Variants in GOLGA8J observed in about 807,000 individuals in gnomAD.
The protein encoded by GOLGA8J is golgin subfamily A member 8J.
In GOLGA8J, 19 loss-of-function variants were observed where a neutral mutation model predicts 67.7. The observed-to-expected ratio is 0.28, with a 90% CI of 0.20 to 0.41. The LOEUF (loss-of-function observed/expected upper bound fraction) is 0.41, where lower values mean the gene tolerates loss of function less well. Among genes scored for constraint, GOLGA8J ranks in the 10% least tolerant of loss-of-function variants. GOLGA8J has a pLI of 1.00. For missense variants in GOLGA8J, 205 were observed against 584.3 expected (o/e 0.35, Z 6.69); for synonymous variants, 69 against 215.9 (o/e 0.32, Z 5.97).
At chr15:30,086,135 C>T (rs1468769597) in intron 4 of GOLGA8J, 31 bp downstream of exon 4, 4 of 56 alleles carry the variant, frequency 0.071, no homozygotes, top group Non-Finnish European at 0.1. Context: ...CCTGATTCCA[C>T]GCTGCCAATC....
chr15:30,090,424 G>C lies in GOLGA8J; in HGVS notation c.1200+144G>C, dbSNP rs914810974. 4.0e-6 allele frequency: 6 copies of C among 1,516,404 alleles called. 1 individual carries two copies. The highest frequency in any genetic ancestry group is 1.2e-5 in the South Asian group (1 of 84,260). The allele number at this position is 1,516,404 out of a possible 1,614,324, so 93.9% of individuals were successfully genotyped here. On this transcript the variant is annotated intron_variant, in intron 13 of 18. Coordinates refer to ENST00000567927, the MANE Select transcript of GOLGA8J (RefSeq NM_001282472.2). ...CACCCCCCAGGGCAGTCCTGTGACTGTTTCTTGCTTCCTGCCTCTGACTTT... is the reference window on the plus strand; with the variant it reads ...CACCCCCCAGGGCAGTCCTGTGACTCTTTCTTGCTTCCTGCCTCTGACTTT...
chr15:30,093,952 C>G lies in GOLGA8J; in HGVS notation c.*453C>G, dbSNP rs1346677248. On this transcript the variant is annotated 3_prime_UTR_variant, in exon 19 of 19. Coordinates refer to ENST00000567927, the MANE Select transcript of GOLGA8J (RefSeq NM_001282472.2). Reference sequence around the variant, plus strand: ...GATCTAATCTTAATCACAGTGAGCTCTTCATTAGCTCAATATGTAGTTTGC... The same window carrying G: ...GATCTAATCTTAATCACAGTGAGCTGTTCATTAGCTCAATATGTAGTTTGC... Among the ~76,000 whole-genome samples the G allele has an allele frequency of 3.5e-5, 5 of 144,768 alleles. 1 individual carries two copies. Among genetic ancestry groups the G allele is most frequent in the Non-Finnish European group, 3.0e-5 (2 of 67,238 alleles). The allele number at this position is 144,768 out of a possible 152,430, so 95.0% of individuals were successfully genotyped here.
Position 30,095,026 on chromosome 15 carries a change from T to G in GOLGA8J, c.*1527T>G, listed in dbSNP as rs963099312. Among the ~76,000 whole-genome samples the G allele has an allele frequency of 6.8e-6, 1 of 146,510 alleles. No individual in the cohort carries two copies. The highest frequency in any genetic ancestry group is 2.7e-5 in the African/African-American group (1 of 37,538). On this transcript the variant is annotated 3_prime_UTR_variant, in exon 19 of 19. Transcript: ENST00000567927. ...CCTCTGGGTTTCTGTTCGGGACATA[T>G]TTTGTGCAATATTTATGTGATTGTG...
rs1595384291 is a variant in GOLGA8J at position 30,084,685 on chromosome 15, A to G, written c.49-86A>G. 1.5e-5 allele frequency: 8 copies of G among 535,690 alleles called. No individual in the cohort carries two copies. In the East Asian group the frequency reaches 2.5e-4, roughly 16 times the overall value. 33.2% of individuals were successfully genotyped at this position (535,690 alleles called of 1,614,324 possible). A position where few individuals can be genotyped will look rare whatever the true frequency, so the allele number is the denominator to read the frequency against. On this transcript the variant is annotated intron_variant, in intron 1 of 18. Transcript: ENST00000567927. ...GGTGTCATTAAATCAGATGGTGTGT[A>G]AGTGTATTTTGTAAAAACTGTAAAG...
Position 30,092,081 on chromosome 15 carries a change from C to T in GOLGA8J, c.1316C>T (p.Ala439Val). The T allele has an allele frequency of 1.9e-6, 3 of 1,593,888 alleles. No homozygotes were observed. The highest frequency in any genetic ancestry group is 1.1e-5 in the South Asian group (1 of 89,298). The change falls in exon 15 of 19, where the codon GCA (alanine) becomes GTA (valine). Residue 439 changes from alanine to valine, a missense_variant. Transcript: ENST00000567927. ...GEHLDSEGEEAPRPMPSVPED... is the reference protein window; with the variant it reads ...GEHLDSEGEEVPRPMPSVPED... The stretch of plus-strand genomic sequence containing the variant: ...CATCTGGACAGTGAGGGGGAGGAGG[C>T]ACCTCGGCCCATGCCGAGTGTCCCA...
At chr15:30,088,531 G>A (rs1435231510) in intron 8 of GOLGA8J, among the ~76,000 whole-genome samples, 4 of 147,174 alleles carry the variant, frequency 2.7e-5, no homozygotes, top group Admixed American at 2.7e-4. Context: ...GATCTCTCTG[G>A]GCCTCTGTTA....
In GOLGA8J at chr15:30,096,231, T is replaced by C. The variant is rs922000660; in HGVS notation, c.*2732T>C. ...ATTTAAAGATGGCAATATATAATAA[T>C]CATTTTAAAAGTATTTGATTCAACC... On this transcript the variant is annotated 3_prime_UTR_variant, in exon 19 of 19. Coordinates refer to ENST00000567927, the MANE Select transcript of GOLGA8J (RefSeq NM_001282472.2). Among the ~76,000 whole-genome samples, 3 of 150,014 alleles carry C rather than the reference T, an allele frequency of 2.0e-5. No homozygotes were observed. The highest frequency in any genetic ancestry group is 2.5e-5 in the African/African-American group (1 of 40,318).
chr15:30,089,557 T>G, intron 11 of GOLGA8J, 143 bp from the exon 12 acceptor site: 2 of 969,842 alleles, frequency 2.1e-6, no homozygotes. Context: ...TGAAAGTGCT[T>G]TGGAAGACTG....
In GOLGA8J at chr15:30,094,561, C is replaced by G. The variant is rs2140586646; in HGVS notation, c.*1062C>G. The stretch of plus-strand genomic sequence containing the variant: ...CGTTCCTGGAACAGGCATACAGGCT[C>G]TAGTCAAGAATGAATTAGAGTGAAG... On this transcript the variant is annotated 3_prime_UTR_variant, in exon 19 of 19. Transcript: ENST00000567927. 1.6e-5 allele frequency among the ~76,000 whole-genome samples: 2 copies of G among 126,538 alleles called. No individual in the cohort carries two copies. The highest frequency in any genetic ancestry group is 2.3e-4 in the South Asian group (1 of 4,282). 83.0% of individuals were successfully genotyped at this position (126,538 alleles called of 152,430 possible).
chr15:30,084,942 G>C lies in GOLGA8J; in HGVS notation c.168+52G>C, dbSNP rs1351204536. On this transcript the variant is annotated intron_variant, in intron 2 of 18. Transcript: ENST00000567927. ...GGGACAGGGGGCCCAAGGGGCAGTA[G>C]AGGGTAATTGTTAAGATTGTGGATG... The C allele has an allele frequency of 2.9e-5, 43 of 1,493,960 alleles. 10 individuals are homozygous for C. In the African/African-American group the frequency reaches 3.3e-4, roughly 11 times the overall value. 92.5% of individuals were successfully genotyped at this position (1,493,960 alleles called of 1,614,324 possible).
In GOLGA8J at chr15:30,092,919, G is replaced by C. The variant is rs1235679007; in HGVS notation, c.1498G>C (p.Gly500Arg). 6.0e-6 allele frequency: 9 copies of C among 1,491,618 alleles called. No homozygotes were observed. The highest frequency in any genetic ancestry group is 8.1e-6 in the Non-Finnish European group (9 of 1,108,714). 92.4% of individuals were successfully genotyped at this position (1,491,618 alleles called of 1,614,324 possible). ...AACCCATCACCTTTTATCAGAACCAGGGGGCCGTGCCAAAGATGCGGCACT... is the reference window on the plus strand; with the variant it reads ...AACCCATCACCTTTTATCAGAACCACGGGGCCGTGCCAAAGATGCGGCACT... The part of the protein sequence containing the change: ...QKTHHLLSEP[G>R]GRAKDAALGG... The change falls in exon 17 of 19, where the codon GGG becomes CGG. Residue 500 changes from glycine to arginine, a missense_variant. Gly to Arg is a moderately radical substitution (Grantham distance 125). Coordinates refer to ENST00000567927, the MANE Select transcript of GOLGA8J (RefSeq NM_001282472.2).
chr15:30,084,626 C>G (rs2057330760), intron 1 of GOLGA8J, 145 bp from the exon 2 acceptor site: 9 of 529,320 alleles, frequency 1.7e-5, no homozygotes, highest in Non-Finnish European at 2.9e-6. Flanking sequence ...TTCTCAGTCA[C>G]TAAATGAGTG....
At position 30,084,928 on chromosome 15, in the gene GOLGA8J, C is replaced by G. The variant is rs779150119; in HGVS notation, c.168+38C>G. ...TGACCAGGCTTCTGGGGACAGGGGG[C>G]CCAAGGGGCAGTAGAGGGTAATTGT... On this transcript the variant is annotated intron_variant, in intron 2 of 18. Transcript: ENST00000567927. 115 of 1,493,172 alleles carry G rather than the reference C, an allele frequency of 7.7e-5. 14 individuals are homozygous for G. Among genetic ancestry groups the G allele is most frequent in the Non-Finnish European group, 9.8e-5 (112 of 1,140,824 alleles). The allele number at this position is 1,493,172 out of a possible 1,614,324, so 92.5% of individuals were successfully genotyped here.
chr15:30,084,891 G>C lies in GOLGA8J; in HGVS notation c.168+1G>C. The C allele has an allele frequency of 6.8e-7, 1 of 1,480,394 alleles. No homozygotes were observed. The highest frequency in any genetic ancestry group is 8.8e-7 in the Non-Finnish European group (1 of 1,135,492). The allele number at this position is 1,480,394 out of a possible 1,614,324, so 91.7% of individuals were successfully genotyped here. On this transcript the variant is annotated splice_donor_variant, in intron 2 of 18. Transcript: ENST00000567927. LOFTEE classifies it high-confidence loss of function. ...TGGTGGTTGCCAGCCACCTAGGGAT[G>C]TGAGTCTTGGCTGACCAGGCTTCTG...
At chr15:30,088,642 C>G in intron 8 of GOLGA8J, 98 bp from the exon 9 acceptor site, 1 of 987,308 alleles carries the variant, frequency 1.0e-6, no homozygotes, top group Non-Finnish European at 1.6e-6. Flanking sequence ...CTTTACTGAC[C>G]GAGTTGTATA....
chr15:30,091,963 G>C, intron 14 of GOLGA8J, 79 bp from the exon 15 acceptor site: 1 of 1,484,152 alleles, frequency 6.7e-7, no homozygotes, highest in Middle Eastern at 1.9e-4. Context: ...GGGTTACACA[G>C]TGAGGGTGGA....
chr15:30,094,581 G>A lies in GOLGA8J; in HGVS notation c.*1082G>A, dbSNP rs1315163079. Among the ~76,000 whole-genome samples, 2 of 126,962 alleles carry A rather than the reference G, an allele frequency of 1.6e-5. No individual in the cohort carries two copies. Among genetic ancestry groups the A allele is most frequent in the Non-Finnish European group, 3.0e-5 (2 of 66,122 alleles). The allele number at this position is 126,962 out of a possible 152,430, so 83.3% of individuals were successfully genotyped here. ...AGGCTCTAGTCAAGAATGAATTAGA[G>A]TGAAGGAAAGCTGTGTGACACCTGG... On this transcript the variant is annotated 3_prime_UTR_variant, in exon 19 of 19. Coordinates refer to ENST00000567927, the MANE Select transcript of GOLGA8J (RefSeq NM_001282472.2).
chr15:30,094,273 T>C lies in GOLGA8J; in HGVS notation c.*774T>C, dbSNP rs927203209. 6.8e-6 allele frequency among the ~76,000 whole-genome samples: 1 copy of C among 146,450 alleles called. No homozygotes were observed. The highest frequency in any genetic ancestry group is 2.7e-5 in the African/African-American group (1 of 37,342). ...GCTCTGGGCTCATGAAGATACTGCA[T>C]CATGAGCTGCAGCAGTTGTACTCTT... On this transcript the variant is annotated 3_prime_UTR_variant, in exon 19 of 19. Coordinates refer to ENST00000567927, the MANE Select transcript of GOLGA8J (RefSeq NM_001282472.2).
chr15:30,085,600 C>A (rs1384585543), intron 2 of GOLGA8J, among the ~76,000 whole-genome samples, 183 bp from the exon 3 acceptor site: 1 of 15,460 alleles, frequency 6.5e-5, no homozygotes, highest in East Asian at 8.9e-4. Flanking sequence ...CTGAAGGGGC[C>A]CCAGGATGGG....
Sources: allele counts gnomAD v4.1 joint callset (sites outside exome capture counted in the v4.1 genomes callset), GRCh38; gene constraint gnomAD v4.1.1; transcripts MANE v1.5; gene names NCBI Gene and HGNC (gene_info 2026-07-23, HGNC 2026-07-21).